NKAIN1: variants seen among roughly 807,000 people sequenced by gnomAD.
The protein encoded by NKAIN1 is sodium/potassium-transporting ATPase subunit beta-1-interacting protein 1.
NKAIN1 carries 13 observed loss-of-function variants against 31.6 expected under a neutral mutation model. The ratio of observed to expected loss-of-function variants is 0.41; its 90% CI spans 0.27 to 0.65. The LOEUF (loss-of-function observed/expected upper bound fraction) is 0.65, where lower values mean the gene tolerates loss of function less well. NKAIN1 is among the 30% of genes least tolerant of loss of function. The pLI, the probability that NKAIN1 is intolerant of heterozygous loss-of-function variation, is 0.30. For missense variants in NKAIN1, 193 were observed against 262.2 expected (o/e 0.74, Z 1.82); for synonymous variants, 104 against 109.0 (o/e 0.95, Z 0.28).
intron 1 of NKAIN1, among the ~76,000 whole-genome samples, chr1:31,216,114 C>T (rs7543900): frequency 0.31 from 46,704 of 148,326 alleles, 9,909 homozygotes; most frequent in African/African-American, 0.61. Context: ...CTCTATCTCG[C>T]AGGCAGGCTG....
chr1:31,213,294 T>C (rs1295471539), intron 1 of NKAIN1, among the ~76,000 whole-genome samples: 1 of 152,088 alleles, frequency 6.6e-6, no homozygotes, highest in African/African-American at 2.4e-5. Context: ...GCAAAGAATT[T>C]CTCCAAAGAA....
In NKAIN1 at chr1:31,204,767, C is replaced by T. The variant is rs149152395; in HGVS notation, c.55-16580G>A. ...CATGGCAGAAAGCACCTTAATGAAG[C>T]GGGCACTTAGGTAGAGAGAATTAAT... is the stretch of plus-strand genomic sequence containing the variant. On this transcript the variant is annotated intron_variant, in intron 1 of 6. Transcript: ENST00000373736. 4.2e-3 allele frequency among the ~76,000 whole-genome samples: 638 copies of T among 152,242 alleles called. 14 individuals are homozygous for T. Among genetic ancestry groups the T allele is most frequent in the Admixed American group, 0.04 (604 of 15,278 alleles).
intron 1 of NKAIN1, among the ~76,000 whole-genome samples, chr1:31,207,565 C>A (rs1645434367): frequency 6.6e-6 from 1 of 152,090 alleles, no homozygotes; most frequent in Non-Finnish European, 1.5e-5. Flanking sequence ...CCCACTCATC[C>A]CCAAGCAGCC....
At chr1:31,213,455 G>A (rs1645486260) in intron 1 of NKAIN1, among the ~76,000 whole-genome samples, 1 of 152,094 alleles carries the variant, frequency 6.6e-6, no homozygotes, top group South Asian at 2.1e-4. Context: ...AGAGAAACTG[G>A]AACTCTCATG....
intron 1 of NKAIN1, among the ~76,000 whole-genome samples, chr1:31,191,039 C>T (rs1035005776): frequency 1.3e-5 from 2 of 152,228 alleles, no homozygotes; most frequent in South Asian, 2.1e-4. Context: ...GCCTGTAATC[C>T]CAGCACTTTG....
intron 1 of NKAIN1, among the ~76,000 whole-genome samples, chr1:31,221,364 T>C (rs1645563171): frequency 6.6e-6 from 1 of 152,184 alleles, no homozygotes; most frequent in Non-Finnish European, 1.5e-5. Flanking sequence ...TTGGAACTTG[T>C]TAGAGATGCA....
chr1:31,212,247 A>C (rs2148359609), intron 1 of NKAIN1, among the ~76,000 whole-genome samples: 1 of 152,266 alleles, frequency 6.6e-6, no homozygotes, highest in East Asian at 1.9e-4. Context: ...CTGGATACTC[A>C]CATGCAAAAG....
intron 5 of NKAIN1, 72 bp downstream of exon 5, chr1:31,182,458 T>C: frequency 1.3e-6 from 2 of 1,562,022 alleles, no homozygotes; most frequent in South Asian, 1.1e-5. Context: ...CCGGGGCCAG[T>C]CACAGGCCTC....
intron 1 of NKAIN1, among the ~76,000 whole-genome samples, chr1:31,199,005 A>C (rs981432555): frequency 6.6e-6 from 1 of 152,074 alleles, no homozygotes; most frequent in East Asian, 1.9e-4. Flanking sequence ...CTCGTGCCCC[A>C]CCCTTGCCAG....
chr1:31,211,586 A>C (rs2148359336), intron 1 of NKAIN1, among the ~76,000 whole-genome samples: 1 of 144,196 alleles, frequency 6.9e-6, no homozygotes, highest in East Asian at 2.0e-4. Flanking sequence ...AATGCACTCT[A>C]TCAAAATTCC....
At chr1:31,203,326 AGAAGGGG>A (rs77709870) in intron 1 of NKAIN1, among the ~76,000 whole-genome samples, 2 of 39,084 alleles carry the variant, frequency 5.1e-5, no homozygotes, top group Non-Finnish European at 4.5e-4. Context: ...GATGTCCCTC[AGAAGGGG>A]TCACAGTCAA....
At chr1:31,182,639 T>G in intron 4 of NKAIN1, 49 bp from the exon 5 acceptor site, 2 of 1,603,228 alleles carry the variant, frequency 1.2e-6, no homozygotes, top group Non-Finnish European at 1.7e-6. Context: ...TGGGAACCTC[T>G]TCCTCCGCCC....
chr1:31,198,538 C>T (rs1645348741), intron 1 of NKAIN1, among the ~76,000 whole-genome samples: 2 of 145,708 alleles, frequency 1.4e-5, no homozygotes, highest in Non-Finnish European at 3.0e-5. Flanking sequence ...ATCCTCAAGC[C>T]CTGGCTCTCT....
rs142100553 is a variant in NKAIN1, at chr1:31,188,079, C to T, written c.163G>A (p.Val55Met). 885 of 1,553,934 alleles carry T rather than the reference C, an allele frequency of 5.7e-4. 1 individual carries two copies. Among genetic ancestry groups the T allele is most frequent in the Non-Finnish European group, 7.2e-4 (825 of 1,148,348 alleles). Residue 55 changes from valine (V) to methionine (M), a missense_variant, in exon 2 of 7, where the codon GTG becomes ATG. Transcript: ENST00000373736. The stretch of plus-strand genomic sequence containing the variant: ...ATGAGGTACCGGGAGCGGTACTGCA[C>T]GGTGCCAAAGATGCCCAGGATGACT... ...MAVILGIFGT[V>M]QYRSRYLILY...
At chr1:31,206,105 G>T (rs578132672) in intron 1 of NKAIN1, among the ~76,000 whole-genome samples, 1 of 149,712 alleles carries the variant, frequency 6.7e-6, no homozygotes, top group East Asian at 2.0e-4. Flanking sequence ...CGTGGTGGTG[G>T]GCACCTGTAA....
intron 4 of NKAIN1, 94 bp downstream of exon 4, chr1:31,183,723 C>A: frequency 1.5e-6 from 2 of 1,326,366 alleles, no homozygotes; most frequent in Non-Finnish European, 2.1e-6. Context: ...GCTGGGATTG[C>A]AGGCGTGAGC....
At chr1:31,234,312 CTG>C (rs1426724629) in intron 1 of NKAIN1, among the ~76,000 whole-genome samples, 1 of 152,216 alleles carries the variant, frequency 6.6e-6, no homozygotes, top group Non-Finnish European at 1.5e-5. Context: ...GCAGCTGCAG[CTG>C]CTCCAGAGTG....
intron 1 of NKAIN1, among the ~76,000 whole-genome samples, chr1:31,192,253 A>C (rs547205713): frequency 1.3e-5 from 2 of 152,116 alleles, no homozygotes; most frequent in African/African-American, 2.4e-5. Flanking sequence ...CACACCCAAC[A>C]ATCATTCACT....
intron 1 of NKAIN1, among the ~76,000 whole-genome samples, chr1:31,209,499 T>C (rs1435191577): frequency 6.6e-6 from 1 of 151,110 alleles, no homozygotes; most frequent in Non-Finnish European, 1.5e-5. Context: ...AAAAAGGGAG[T>C]CTCCTGGAAC....
Sources: allele counts gnomAD v4.1 joint callset (sites outside exome capture counted in the v4.1 genomes callset), GRCh38; gene constraint gnomAD v4.1.1; transcripts MANE v1.5; gene names NCBI Gene and HGNC (gene_info 2026-07-23, HGNC 2026-07-21).